The following TBCD variants were observed in gnomAD, a reference collection of about 807,000 sequenced individuals.
TBCD encodes tubulin-specific chaperone D.
A neutral mutation model predicts 169.3 loss-of-function variants in TBCD; 105 were observed. That is an observed-to-expected ratio of 0.62 (90% CI 0.53 to 0.73). TBCD has a LOEUF of 0.73. Ranked by LOEUF, TBCD falls within the 30% of genes least tolerant of loss-of-function variation. TBCD has a pLI of 0.00. For missense variants in TBCD, 1,444 were observed against 1,600.1 expected (o/e 0.90, Z 1.66); for synonymous variants, 700 against 643.9 (o/e 1.09, Z -1.32).
At chr17:82,761,207 A>T (rs1017138894) in intron 2 of TBCD, among the ~76,000 whole-genome samples, 1 of 151,980 alleles carries the variant, frequency 6.6e-6, no homozygotes, top group African/African-American at 2.4e-5. Flanking sequence ...CAGGTGATCC[A>T]CCTGCCTCGG....
intron 17 of TBCD, among the ~76,000 whole-genome samples, chr17:82,896,163 C>T (rs2059461470): frequency 6.6e-6 from 1 of 152,154 alleles, no homozygotes; most frequent in African/African-American, 2.4e-5. Context: ...TTTCCCAAAG[C>T]TCTGTGTGAA....
At position 82,889,662 on chromosome 17, in the gene TBCD, C is replaced by T. The variant is rs2058994563; in HGVS notation, c.1534-6C>T. On this transcript the variant is annotated splice_polypyrimidine_tract_variant and splice_region_variant and intron_variant, in intron 15 of 38. Coordinates refer to ENST00000355528, the MANE Select transcript of TBCD (RefSeq NM_005993.5). This position sits in a 1 kb window ranked among gnomAD's most constrained non-coding sequence, Gnocchi z 5.3. ...TCACCTGCTGTGTTTGTTCTTTGCT[C>T]CGCAGGCCGCCTTCCAGGAGAATGT... is the stretch of plus-strand genomic sequence containing the variant. 1 of 1,613,920 alleles carries T rather than the reference C, an allele frequency of 6.2e-7. No individual in the cohort carries two copies. The highest frequency in any genetic ancestry group is 1.7e-5 in the Admixed American group (1 of 59,986).
At chr17:82,768,727 T>A (rs574616862) in intron 5 of TBCD, among the ~76,000 whole-genome samples, 161 bp downstream of exon 5, 17 of 152,318 alleles carry the variant, frequency 1.1e-4, no homozygotes, top group African/African-American at 4.1e-4. Flanking sequence ...GAAATTGTGA[T>A]AATTCATGTA....
chr17:82,819,948 G>T (rs1433332350), intron 13 of TBCD, among the ~76,000 whole-genome samples: 2 of 151,890 alleles, frequency 1.3e-5, no homozygotes, highest in Non-Finnish European at 2.9e-5. Flanking sequence ...AAGCACAGGT[G>T]GGGGGATGTA....
intron 24 of TBCD, chr17:82,921,271 A>T (rs369156961): frequency 3.6e-6 from 2 of 558,062 alleles, no homozygotes; most frequent in East Asian, 2.8e-5. Flanking sequence ...AAAAATTTAC[A>T]GAATGCTGGT....
chr17:82,779,873 G>A (rs2048834146), intron 6 of TBCD, among the ~76,000 whole-genome samples: 1 of 152,136 alleles, frequency 6.6e-6, no homozygotes, highest in Non-Finnish European at 1.5e-5. Flanking sequence ...CGTCGCGTGG[G>A]GCACTCCCCC....
intron 13 of TBCD, chr17:82,830,823 G>T: frequency 1.2e-6 from 2 of 1,613,396 alleles, no homozygotes; most frequent in Admixed American, 1.7e-5. Context: ...CGGCCTCCGA[G>T]ACGAGAGAGG....
intron 15 of TBCD, among the ~76,000 whole-genome samples, chr17:82,887,443 C>T (rs2058834874): frequency 6.6e-6 from 1 of 152,160 alleles, no homozygotes; most frequent in East Asian, 1.9e-4. Flanking sequence ...CTCGGCACAG[C>T]TCTCTGGAGA....
intron 13 of TBCD, among the ~76,000 whole-genome samples, chr17:82,862,025 C>T (rs1190661199): frequency 6.6e-6 from 1 of 151,980 alleles, no homozygotes; most frequent in African/African-American, 2.4e-5. Context: ...CAGGTTCACG[C>T]CATTCTCCTG....
chr17:82,899,275 CGCGTGTGTCCTCAGT>C (rs1223528641), intron 17 of TBCD, among the ~76,000 whole-genome samples: 71 of 149,974 alleles, frequency 4.7e-4, no homozygotes, highest in African/African-American at 1.3e-3. Context: ...GTGTCCTCAG[CGCGTGTGTCCTCAGT>C]GCGTGTGTCC....
intron 12 of TBCD, 97 bp downstream of exon 12, chr17:82,809,879 G>A: frequency 8.7e-7 from 1 of 1,146,688 alleles, no homozygotes; most frequent in Non-Finnish European, 1.3e-6. Flanking sequence ...TCATTGAGCT[G>A]TTTGTCAGAA....
chr17:82,832,461 C>G lies in TBCD; in HGVS notation c.1318+17527C>G, dbSNP rs374220408. On this transcript the variant is annotated intron_variant, in intron 13 of 38. Coordinates refer to ENST00000355528, the MANE Select transcript of TBCD (RefSeq NM_005993.5). The surrounding 1 kb of genome is among the most constrained non-coding windows in gnomAD (Gnocchi z 4.9). Reference sequence around the variant, plus strand: ...GCTCTTTGAGGAGACTCATTTTCCTCCTTATGCCTTGGACTCTGGCTGTCC... The same window carrying G: ...GCTCTTTGAGGAGACTCATTTTCCTGCTTATGCCTTGGACTCTGGCTGTCC... 53 of 1,607,280 alleles carry G rather than the reference C, an allele frequency of 3.3e-5. 2 individuals carry two copies. Among genetic ancestry groups the G allele is most frequent in the South Asian group, 3.1e-4 (28 of 91,072 alleles).
At position 82,844,206 on chromosome 17, in the gene TBCD, C is replaced by CGTGTGT. The variant is rs769300875; in HGVS notation, c.1319-25993_1319-25988dup. Reference sequence around the variant, plus strand: ...TGGAGGAGTGGGGGTGGATGTTCTCCGTGTGTGTGTGTGTGTGTGTGTGTG... The same window carrying CGTGTGT: ...TGGAGGAGTGGGGGTGGATGTTCTCCGTGTGTGTGTGTGTGTGTGTGTGTGTGTGTG... On this transcript the variant is annotated intron_variant, in intron 13 of 38. Coordinates refer to ENST00000355528, the MANE Select transcript of TBCD (RefSeq NM_005993.5). Among the ~76,000 whole-genome samples the CGTGTGT allele has an allele frequency of 2.7e-3, 341 of 127,480 alleles. 1 individual carries two copies. The highest frequency in any genetic ancestry group is 3.5e-3 in the Non-Finnish European group (216 of 62,186). The allele number at this position is 127,480 out of a possible 152,430, so 83.6% of individuals were successfully genotyped here.
At chr17:82,813,910 A>G (rs900122276) in intron 12 of TBCD, among the ~76,000 whole-genome samples, 3 of 152,192 alleles carry the variant, frequency 2.0e-5, no homozygotes, top group Non-Finnish European at 4.4e-5. Context: ...TGAGGCAGCC[A>G]CTGGGCGGAC....
At chr17:82,753,447 C>CTTT (rs59839519) in intron 1 of TBCD, among the ~76,000 whole-genome samples, 28,103 of 103,598 alleles carry the variant, frequency 0.27, 5,057 homozygotes, top group Non-Finnish European at 0.33. Flanking sequence ...TGGCTTCTTC[C>CTTT]TTTTTTTTTT....
chr17:82,850,927 A>G (rs1223045043), intron 13 of TBCD, among the ~76,000 whole-genome samples: 1 of 152,278 alleles, frequency 6.6e-6, no homozygotes, highest in African/African-American at 2.4e-5. Context: ...AGATATAGAT[A>G]TGTATAAAAC....
chr17:82,887,302 A>G (rs1372331865), intron 15 of TBCD, among the ~76,000 whole-genome samples: 1 of 151,998 alleles, frequency 6.6e-6, no homozygotes, highest in Admixed American at 6.5e-5. Context: ...TGCTTTGCCC[A>G]CAGTCCCTGC....
intron 13 of TBCD, among the ~76,000 whole-genome samples, chr17:82,842,062 C>T (rs942577833): frequency 4.6e-5 from 7 of 152,246 alleles, no homozygotes; most frequent in South Asian, 2.1e-4. Flanking sequence ...GAGGCAGCCT[C>T]GTGCTGCCCA....
chr17:82,901,511 C>T (rs959815149), intron 18 of TBCD, among the ~76,000 whole-genome samples: 3 of 148,256 alleles, frequency 2.0e-5, no homozygotes, highest in Admixed American at 6.7e-5. Flanking sequence ...GGGAGCGGCC[C>T]GGCTGCCTAC....
Sources: allele counts gnomAD v4.1 joint callset (sites outside exome capture counted in the v4.1 genomes callset), GRCh38; gene constraint gnomAD v4.1.1; non-coding constraint Gnocchi (gnomAD v3.1); transcripts MANE v1.5; gene names NCBI Gene and HGNC (gene_info 2026-07-23, HGNC 2026-07-21).